Variants in WDR72 observed in about 807,000 individuals in gnomAD.
WDR72 encodes the protein WD repeat domain 72.
In WDR72, 120 loss-of-function variants were observed where a neutral mutation model predicts 124.2. The ratio of observed to expected loss-of-function variants is 0.97; its 90% CI spans 0.83 to 1.12. WDR72 has a LOEUF of 1.12. WDR72 is among the 50% of genes most tolerant of loss of function. The pLI is 0.00. For synonymous variants in WDR72, 452 were observed against 441.7 expected, an observed-to-expected ratio of 1.02 and a Z score of -0.29; for missense variants, 1,387 against 1,278.8, an observed-to-expected ratio of 1.08 and a Z score of -1.29.
At chr15:53,744,316 G>T (rs1483472694) in intron 1 of WDR72, among the ~76,000 whole-genome samples, 1 of 152,122 alleles carries the variant, frequency 6.6e-6, no homozygotes, top group Admixed American at 6.6e-5. Context: ...CATAAAACTT[G>T]TCTAGAAATA....
intron 18 of WDR72, among the ~76,000 whole-genome samples, chr15:53,563,574 T>C (rs1049642741): frequency 4.0e-5 from 6 of 151,790 alleles, no homozygotes; most frequent in African/African-American, 7.2e-5. Context: ...ATTAAGCCCA[T>C]TTAAAAATGT....
At chr15:53,598,130 T>C (rs1023698553) in intron 17 of WDR72, among the ~76,000 whole-genome samples, 1 of 152,058 alleles carries the variant, frequency 6.6e-6, no homozygotes, top group Non-Finnish European at 1.5e-5. Flanking sequence ...GGAGCTGAAT[T>C]AGGGAGAGAA....
Position 53,621,797 on chromosome 15 carries a change from A to AT in WDR72, c.1963-5555dup, listed in dbSNP as rs544916881. Among the ~76,000 whole-genome samples, 329 of 152,118 alleles carry AT rather than the reference A, an allele frequency of 2.2e-3. 2 individuals are homozygous for AT. The highest frequency in any genetic ancestry group is 6.9e-3 in the African/African-American group (286 of 41,528). The stretch of plus-strand genomic sequence containing the variant: ...TCCCCAATAACCTATGGAAATAAAC[A>AT]TTTTTTAAAAAAAGAAACTATCATC... On this transcript the variant is annotated intron_variant, in intron 14 of 19. Transcript: ENST00000360509.
chr15:53,591,933 C>G (rs553387620), intron 18 of WDR72, among the ~76,000 whole-genome samples: 1 of 152,128 alleles, frequency 6.6e-6, no homozygotes, highest in African/African-American at 2.4e-5. Flanking sequence ...ACACTTGAAA[C>G]TGAACACACC....
At chr15:53,680,875 T>C (rs1169387477) in intron 13 of WDR72, among the ~76,000 whole-genome samples, 1 of 152,162 alleles carries the variant, frequency 6.6e-6, no homozygotes, top group African/African-American at 2.4e-5. Flanking sequence ...CTGGGGAAAG[T>C]GGTGGGCCAA....
chr15:53,659,332 G>A (rs1230202224), intron 14 of WDR72, among the ~76,000 whole-genome samples: 4 of 152,084 alleles, frequency 2.6e-5, no homozygotes, highest in African/African-American at 7.2e-5. Flanking sequence ...GAGTCCTTCC[G>A]TTGCTGGCAC....
chr15:53,649,313 A>T (rs689638), intron 14 of WDR72, among the ~76,000 whole-genome samples: 13,813 of 152,128 alleles, frequency 0.091, 1,607 homozygotes, highest in African/African-American at 0.27. Flanking sequence ...ATATTTGATA[A>T]CTGATCCTTT....
In WDR72 at chr15:53,591,731, T is replaced by C. The variant is rs537212152; in HGVS notation, c.3148+5348A>G. Among the ~76,000 whole-genome samples, 20 of 131,482 alleles carry C rather than the reference T, an allele frequency of 1.5e-4. No individual in the cohort carries two copies. The East Asian group carries it at 2.7e-3, about 18-fold the overall frequency. The allele number at this position is 131,482 out of a possible 152,430, so 86.3% of individuals were successfully genotyped here. A position where few individuals can be genotyped will look rare whatever the true frequency, so the allele number is the denominator to read the frequency against. On this transcript the variant is annotated intron_variant, in intron 18 of 19. Transcript: ENST00000360509. ...ACACACACACACACACACACACACATATATACCTTCTGATGTAGCATAAGT... is the reference window on the plus strand; with the variant it reads ...ACACACACACACACACACACACACACATATACCTTCTGATGTAGCATAAGT...
rs2016719078 is a variant in WDR72, at chr15:53,688,388, C to G, written c.1765+11362G>C. ...AGTCTCAGGATACAAAATCAATGTA[C>G]AAAAATCACAAGCATTCTTATACAC... On this transcript the variant is annotated intron_variant, in intron 13 of 19. Coordinates refer to ENST00000360509, the MANE Select transcript of WDR72 (RefSeq NM_182758.4). Among the ~76,000 whole-genome samples, 15 of 148,220 alleles carry G rather than the reference C, an allele frequency of 1.0e-4. 1 individual carries two copies. In the South Asian group the frequency reaches 3.0e-3, roughly 30 times the overall value.
intron 18 of WDR72, among the ~76,000 whole-genome samples, chr15:53,534,336 C>A (rs1165914547): frequency 1.3e-5 from 2 of 152,094 alleles, no homozygotes; most frequent in Non-Finnish European, 2.9e-5. Context: ...ATTTTCCCAA[C>A]ACTCACTTTC....
At chr15:53,532,232 G>A (rs1892520870) in intron 18 of WDR72, among the ~76,000 whole-genome samples, 1 of 152,086 alleles carries the variant, frequency 6.6e-6, no homozygotes, top group African/African-American at 2.4e-5. Context: ...AGAACAGTAT[G>A]GAGGTTTCTC....
chr15:53,566,383 T>C (rs1439122284), intron 18 of WDR72, among the ~76,000 whole-genome samples: 7 of 151,988 alleles, frequency 4.6e-5, no homozygotes, highest in African/African-American at 1.4e-4. Context: ...CAGAATTTGG[T>C]AACTGAATGC....
At chr15:53,743,104 C>A (rs2018551935) in intron 1 of WDR72, among the ~76,000 whole-genome samples, 1 of 151,872 alleles carries the variant, frequency 6.6e-6, no homozygotes, top group South Asian at 2.1e-4. Flanking sequence ...AAATGAATTA[C>A]TTGCTAGTTA....
chr15:53,755,056 A>G (rs1346160851), intron 1 of WDR72, among the ~76,000 whole-genome samples: 1 of 152,212 alleles, frequency 6.6e-6, no homozygotes, highest in East Asian at 1.9e-4. Context: ...TGAAAATAGG[A>G]GCTACTCAGA....
intron 18 of WDR72, among the ~76,000 whole-genome samples, chr15:53,578,615 G>C (rs1264114623): frequency 6.6e-6 from 1 of 152,050 alleles, no homozygotes; most frequent in Non-Finnish European, 1.5e-5. Context: ...GTAGAAAGAG[G>C]CAAAATAAGA....
intron 14 of WDR72, among the ~76,000 whole-genome samples, chr15:53,625,489 G>T (rs1486903627): frequency 6.6e-6 from 1 of 152,194 alleles, no homozygotes; most frequent in Non-Finnish European, 1.5e-5. Flanking sequence ...TCCAACCTCT[G>T]AACTTTGGAG....
At chr15:53,681,250 G>C (rs533911696) in intron 13 of WDR72, among the ~76,000 whole-genome samples, 1 of 152,160 alleles carries the variant, frequency 6.6e-6, no homozygotes, top group African/African-American at 2.4e-5. Context: ...CTGGCTACTG[G>C]GAAGTTGCTA....
At chr15:53,678,920 A>C (rs12593033) in intron 13 of WDR72, among the ~76,000 whole-genome samples, 46,831 of 152,170 alleles carry the variant, frequency 0.31, 7,701 homozygotes, top group Admixed American at 0.36. Context: ...TCCATCAAAT[A>C]ATGAATGGAT....
At chr15:53,648,580 T>G (rs1165324897) in intron 14 of WDR72, among the ~76,000 whole-genome samples, 2 of 152,140 alleles carry the variant, frequency 1.3e-5, no homozygotes, top group Admixed American at 6.6e-5. Context: ...GGACAAATTT[T>G]TTTTAAAATA....
Sources: gnomAD v4.1 joint callset for allele counts (sites outside exome capture counted in the v4.1 genomes callset) on GRCh38, gnomAD v4.1.1 for gene constraint, MANE v1.5 for transcripts, NCBI Gene and HGNC (gene_info 2026-07-23, HGNC 2026-07-21) for gene names.